Variants in NCF2 observed in about 807,000 individuals in gnomAD.
NCF2 encodes neutrophil cytosol factor 2.
In NCF2, 45 loss-of-function variants were observed where a neutral mutation model predicts 70.9. That is an observed-to-expected ratio of 0.63 (90% CI 0.50 to 0.81). The LOEUF (loss-of-function observed/expected upper bound fraction) is 0.81. Among genes scored for constraint, NCF2 ranks in the 40% least tolerant of loss-of-function variants. NCF2 has a pLI of 0.00. For synonymous variants in NCF2, 203 were observed against 233.6 expected (o/e 0.87, Z 1.19); for missense variants, 522 against 631.6 (o/e 0.83, Z 1.86).
intron 14 of NCF2, among the ~76,000 whole-genome samples, chr1:183,557,024 ATATTT>A (rs1671818363): frequency 6.6e-6 from 1 of 152,232 alleles, no homozygotes; most frequent in South Asian, 2.1e-4. Flanking sequence ...TTAAATATAA[ATATTT>A]TAATAGCTCC....
At chr1:183,566,816 C>T in intron 9 of NCF2, 104 bp downstream of exon 9, 1 of 1,430,802 alleles carries the variant, frequency 7.0e-7, no homozygotes, top group Middle Eastern at 2.4e-4. Flanking sequence ...GTGAATCTTT[C>T]TCCAGGGGTC....
chr1:183,587,595 CAAAAAAAAAAAAAAA>C (rs11287969), intron 1 of NCF2, among the ~76,000 whole-genome samples: 8 of 41,854 alleles, frequency 1.9e-4, no homozygotes, highest in Non-Finnish European at 3.2e-4. Context: ...CACCCTGTCT[CAAAAAAAAAAAAAAA>C]AAAAAAAAAA....
chr1:183,588,793 C>G (rs1194272423), intron 1 of NCF2, among the ~76,000 whole-genome samples: 1 of 152,204 alleles, frequency 6.6e-6, no homozygotes, highest in African/African-American at 2.4e-5. Flanking sequence ...CCAGGAGAAA[C>G]AGAGACATGT....
Position 183,555,927 on chromosome 1 carries a change from C to T in NCF2, c.*191G>A. ...CTCCATTCACCTGTCCCCATCTCCT[C>T]ACCCACTGTGCCCCAGGAAATCATC... On this transcript the variant is annotated 3_prime_UTR_variant, in exon 15 of 15. Coordinates refer to ENST00000367535, the MANE Select transcript of NCF2 (RefSeq NM_000433.4). 1 of 640,100 alleles carries T rather than the reference C, an allele frequency of 1.6e-6. No homozygotes were observed. 39.7% of individuals were successfully genotyped at this position (640,100 alleles called of 1,614,324 possible). A position where few individuals can be genotyped will look rare whatever the true frequency, so the allele number is the denominator to read the frequency against.
chr1:183,591,680 A>C (rs759089545), upstream of NCF2, among the ~76,000 whole-genome samples: 11 of 152,072 alleles, frequency 7.2e-5, no homozygotes, highest in Non-Finnish European at 1.5e-4. Context: ...ATGGGGTTTC[A>C]CCATGTTGGC....
chr1:183,599,706 C>A, the NCF2 span, among the ~76,000 whole-genome samples: 1 of 151,878 alleles, frequency 6.6e-6, no homozygotes, highest in South Asian at 2.1e-4. Flanking sequence ...CGAGCACCAC[C>A]ACGCCTGGCT....
At chr1:183,564,274 A>C (rs1672209925) in intron 10 of NCF2, among the ~76,000 whole-genome samples, 1 of 152,214 alleles carries the variant, frequency 6.6e-6, no homozygotes, top group African/African-American at 2.4e-5. Context: ...TAATTACCAA[A>C]GGACCAGCAT....
At chr1:183,576,060 T>C (rs1672788181) in intron 3 of NCF2, among the ~76,000 whole-genome samples, 1 of 152,242 alleles carries the variant, frequency 6.6e-6, no homozygotes, top group South Asian at 2.1e-4. Context: ...GACATTTCTC[T>C]ACAATCAGTT....
rs1340602863 is a variant in NCF2, at chr1:183,574,547, G to A, written c.441C>T (p.Ala147=). The change falls in exon 4 of 15, where the codon GCC becomes GCT. Residue 147 remains alanine (A), a synonymous_variant. Coordinates refer to ENST00000367535, the MANE Select transcript of NCF2 (RefSeq NM_000433.4). ...WKKAEEQLAL[A]TSMKSEPRHS... ...GTCTGGGCTCAGACTTCATGCTCGT[G>A]GCCAATGCTAACTGTTCTTCAGCTT... is the stretch of plus-strand genomic sequence containing the variant. The A allele has an allele frequency of 1.9e-6, 3 of 1,614,044 alleles. No homozygotes were observed. In the East Asian group the frequency reaches 6.7e-5, roughly 36 times the overall value.
Position 183,573,898 on chromosome 1 carries a change from TG to T in NCF2, c.501+588del, listed in dbSNP as rs1672680444. ...TGAGGTCAGCAGTTCGAGACCTGCC[TG>T]GCCAACATGGCAAAACCCCGTCTCT... On this transcript the variant is annotated intron_variant, in intron 4 of 14. Coordinates refer to ENST00000367535, the MANE Select transcript of NCF2 (RefSeq NM_000433.4). Among the ~76,000 whole-genome samples the T allele has an allele frequency of 3.3e-5, 5 of 152,232 alleles. No individual in the cohort carries two copies. The South Asian group carries it at 1.0e-3, about 31-fold the overall frequency.
rs547567404 is a variant in NCF2 at position 183,566,860 on chromosome 1, C to A, written c.924+60G>T. 208 of 1,598,766 alleles carry A rather than the reference C, an allele frequency of 1.3e-4. 2 individuals are homozygous for A. The African/African-American group carries it at 2.5e-3, about 19-fold the overall frequency. ...ACCTCTTTTACACTGCTTTTCTCCC[C>A]TCCAGGGAGAGATCCCTAAAGGGTG... On this transcript the variant is annotated intron_variant, in intron 9 of 14. Coordinates refer to ENST00000367535, the MANE Select transcript of NCF2 (RefSeq NM_000433.4).
chr1:183,600,888 A>G, the NCF2 span, among the ~76,000 whole-genome samples: 13 of 152,310 alleles, frequency 8.5e-5, 1 homozygote, highest in Non-Finnish European at 1.8e-4. Context: ...CCATCATCCC[A>G]CTGACCGCAT....
chr1:183,572,022 C>T (rs991193023), intron 5 of NCF2, among the ~76,000 whole-genome samples: 2 of 152,154 alleles, frequency 1.3e-5, no homozygotes, highest in African/African-American at 2.4e-5. Context: ...GGAGGGCTTC[C>T]ACTCACCCAG....
At chr1:183,599,657 T>C in the NCF2 span, among the ~76,000 whole-genome samples, 2 of 151,936 alleles carry the variant, frequency 1.3e-5, no homozygotes, top group East Asian at 3.9e-4. Flanking sequence ...GTTCAAGCAA[T>C]TCTCCTGCCT....
chr1:183,596,339 T>C, the NCF2 span, among the ~76,000 whole-genome samples: 1 of 151,292 alleles, frequency 6.6e-6, no homozygotes, highest in African/African-American at 2.4e-5. Context: ...TTTTTCATAT[T>C]TGTACCCTTT....
chr1:183,574,698 C>G, intron 3 of NCF2, 77 bp from the exon 4 acceptor site: 1 of 1,550,076 alleles, frequency 6.5e-7, no homozygotes, highest in Non-Finnish European at 8.9e-7. Context: ...CACACGTATA[C>G]TCTGAGAATG....
At chr1:183,599,454 C>CTT in the NCF2 span, among the ~76,000 whole-genome samples, 9 of 88,290 alleles carry the variant, frequency 1.0e-4, no homozygotes, top group African/African-American at 3.1e-4. Flanking sequence ...TTCTTTCTTT[C>CTT]TTTCTTTCTT....
At chr1:183,573,135 C>T (rs1672640407) in intron 5 of NCF2, 50 bp downstream of exon 5, 5 of 1,557,690 alleles carry the variant, frequency 3.2e-6, no homozygotes, top group Admixed American at 3.3e-5. Context: ...CCTTGCTCCA[C>T]ATGGCCCGGG....
In NCF2 at chr1:183,573,229, G is replaced by A. The variant is rs755796920; in HGVS notation, c.565C>T (p.Gln189Ter). The A allele has an allele frequency of 6.2e-7, 1 of 1,614,138 alleles. No individual in the cohort carries two copies. The highest frequency in any genetic ancestry group is 8.5e-7 in the Non-Finnish European group (1 of 1,180,008). Reference protein sequence around the residue: ...VGKLFRPNERQVAQLAKKDYL... With the variant: ...VGKLFRPNER ...TCCTTCTTGGCCAGCTGAGCCACTT[G>A]TCTCTCATTTGGTCGAAACAGCTTG... Residue 189 changes from glutamine to a stop codon, truncating the protein, a stop_gained, in exon 5 of 15, where the codon CAA (glutamine) becomes TAA (stop). Coordinates refer to ENST00000367535, the MANE Select transcript of NCF2 (RefSeq NM_000433.4). LOFTEE classifies it high-confidence loss of function.
Sources: gnomAD v4.1 joint callset for allele counts (sites outside exome capture counted in the v4.1 genomes callset) on GRCh38, gnomAD v4.1.1 for gene constraint, MANE v1.5 for transcripts, NCBI Gene and HGNC (gene_info 2026-07-23, HGNC 2026-07-21) for gene names.